CCDC30: variants seen among roughly 807,000 people sequenced by gnomAD.
The protein encoded by CCDC30 is coiled-coil domain-containing protein 30.
A neutral mutation model predicts 100.2 loss-of-function variants in CCDC30; 70 were observed. The ratio of observed to expected loss-of-function variants is 0.70; its 90% confidence interval spans 0.58 to 0.85. CCDC30 has a LOEUF of 0.85. Ranked by LOEUF, CCDC30 falls within the 40% of genes least tolerant of loss-of-function variation. CCDC30 has a pLI of 0.00. For missense variants in CCDC30, 652 were observed against 771.2 expected (o/e 0.85, Z 1.83); for synonymous variants, 233 against 269.5 (o/e 0.86, Z 1.33).
At chr1:42,479,103 C>T (rs866894711) in intron 1 of CCDC30, among the ~76,000 whole-genome samples, 4 of 152,088 alleles carry the variant, frequency 2.6e-5, no homozygotes, top group Non-Finnish European at 4.4e-5. Context: ...GGGCTGGACG[C>T]GATGTTTCGC....
chr1:42,641,238 T>C (rs1647365418), intron 12 of CCDC30, among the ~76,000 whole-genome samples: 1 of 151,104 alleles, frequency 6.6e-6, no homozygotes, highest in Non-Finnish European at 1.5e-5. Context: ...TGTGTGTGTG[T>C]GTGTGTGTGT....
At chr1:42,457,048 T>C in the CCDC30 span, 1 of 1,599,606 alleles carries the variant, frequency 6.3e-7, no homozygotes, top group South Asian at 1.1e-5. Context: ...TGTTGCAGGC[T>C]GCGGCCCAGG....
chr1:42,642,708 C>A, intron 13 of CCDC30, 99 bp downstream of exon 17: 5 of 1,174,498 alleles, frequency 4.3e-6, no homozygotes, highest in South Asian at 3.0e-5. Context: ...AGTTTGTAGC[C>A]TACCCTATGA....
intron 10 of CCDC30, among the ~76,000 whole-genome samples, chr1:42,597,617 G>A (rs1646314886): frequency 6.8e-6 from 1 of 146,716 alleles, no homozygotes; most frequent in Non-Finnish European, 1.5e-5. Flanking sequence ...GCAACATGGT[G>A]AAACCCCATC....
chr1:42,610,989 C>T (rs971755478), exon 11 of CCDC30: 4 of 1,599,572 alleles, frequency 2.5e-6, no homozygotes, highest in Non-Finnish European at 3.4e-6. Context: ...ATGTCAAAAG[C>T]AACCAGGAAT....
chr1:42,473,925 A>G (rs1643844601), intron 1 of CCDC30, among the ~76,000 whole-genome samples: 2 of 152,030 alleles, frequency 1.3e-5, no homozygotes, highest in African/African-American at 4.8e-5. Context: ...TGGACCTCAT[A>G]TCCTAGGACC....
At chr1:42,606,662 A>G (rs894008416) in intron 10 of CCDC30, among the ~76,000 whole-genome samples, 2 of 152,248 alleles carry the variant, frequency 1.3e-5, no homozygotes, top group African/African-American at 2.4e-5. Flanking sequence ...GTGGGTCTCA[A>G]GTATTTTTCA....
Position 42,542,591 on chromosome 1 carries a change from C to T in CCDC30, c.457-23705C>T, listed in dbSNP as rs1200301917. On this transcript the variant is annotated intron_variant, in intron 6 of 16. Coordinates refer to ENST00000668663, the Ensembl canonical transcript of CCDC30. ...CGGAGTCTCGCTCTGTCGCCCAGGC[C>T]GGACTGCGGACTGCAGTGGCGCAAT... Among the ~76,000 whole-genome samples the T allele has an allele frequency of 7.5e-5, 8 of 106,898 alleles. 1 individual carries two copies. The highest frequency in any genetic ancestry group is 1.7e-4 in the Non-Finnish European group (8 of 46,776). The allele number at this position is 106,898 out of a possible 152,430, so 70.1% of individuals were successfully genotyped here.
At chr1:42,649,812 CA>C (rs1279378780) in intron 15 of CCDC30, among the ~76,000 whole-genome samples, 1 of 151,562 alleles carries the variant, frequency 6.6e-6, no homozygotes, top group Non-Finnish European at 1.5e-5. Context: ...ACACATTATC[CA>C]AAAAAGAAAT....
chr1:42,580,152 T>G (rs138041854), intron 8 of CCDC30, among the ~76,000 whole-genome samples: 2 of 152,352 alleles, frequency 1.3e-5, no homozygotes, highest in African/African-American at 4.8e-5. Context: ...AATGAGGTGA[T>G]GCTTTTGTCT....
chr1:42,653,906 T>A (rs1648558256), exon 17 of CCDC30: 1 of 1,613,896 alleles, frequency 6.2e-7, no homozygotes, highest in African/African-American at 1.3e-5. Context: ...AAGTTCAAAG[T>A]CCCCTGAAAA....
intron 10 of CCDC30, among the ~76,000 whole-genome samples, chr1:42,600,283 G>T (rs545664774): frequency 6.6e-6 from 1 of 152,290 alleles, no homozygotes; most frequent in Non-Finnish European, 1.5e-5. Context: ...AAAAAAGAAT[G>T]TCAAAATATG....
Position 42,536,664 on chromosome 1 carries a change from T to C in CCDC30, c.457-29632T>C, listed in dbSNP as rs1281950692. On this transcript the variant is annotated intron_variant, in intron 6 of 16. Transcript: ENST00000668663. ...GTTCTAATTTAGGGATTTCATGTTA[T>C]CATTTTTAAATAAAGTATAACTATG... 3.3e-6 allele frequency: 4 copies of C among 1,226,442 alleles called. No homozygotes were observed. The African/African-American group carries it at 6.0e-5, about 19-fold the overall frequency. The allele number at this position is 1,226,442 out of a possible 1,614,324, so 76.0% of individuals were successfully genotyped here. A position where few individuals can be genotyped will look rare whatever the true frequency, so the allele number is the denominator to read the frequency against.
At chr1:42,467,622 C>A (rs1643631325) in intron 1 of CCDC30, 1 of 152,234 alleles carries the variant, frequency 6.6e-6, no homozygotes, top group African/African-American at 2.4e-5. Context: ...TGGTCTTAAA[C>A]AGTAGACTCA....
chr1:42,525,387 T>A (rs1644708730), intron 6 of CCDC30, among the ~76,000 whole-genome samples: 2 of 152,208 alleles, frequency 1.3e-5, no homozygotes, highest in African/African-American at 4.8e-5. Context: ...TCACTCATTT[T>A]TTTTCTGTAG....
At chr1:42,506,359 T>C (rs1644395211) in intron 6 of CCDC30, among the ~76,000 whole-genome samples, 1 of 152,202 alleles carries the variant, frequency 6.6e-6, no homozygotes, top group East Asian at 1.9e-4. Context: ...GTCCTATAGC[T>C]TGATTATAAA....
chr1:42,460,483 T>C (rs1200243975), upstream of CCDC30: 3 of 629,036 alleles, frequency 4.8e-6, no homozygotes, highest in South Asian at 7.1e-5. Flanking sequence ...TGAAGATAGA[T>C]TGTAGAATGG....
chr1:42,482,660 C>A lies in CCDC30; in HGVS notation c.16-3C>A. 1.6e-6 allele frequency: 2 copies of A among 1,232,034 alleles called. No homozygotes were observed. The highest frequency in any genetic ancestry group is 2.0e-6 in the Non-Finnish European group (2 of 986,256). The allele number at this position is 1,232,034 out of a possible 1,614,324, so 76.3% of individuals were successfully genotyped here. On this transcript the variant is annotated splice_polypyrimidine_tract_variant and splice_region_variant and intron_variant, in intron 2 of 16. Transcript: ENST00000668663. ...TTTATTACTAATAGAAGTTTTATTT[C>A]AGTATCATAATGAAGACCTGGAAAA...
intron 3 of CCDC30, among the ~76,000 whole-genome samples, chr1:42,485,029 T>G (rs1427438122): frequency 6.6e-6 from 1 of 152,160 alleles, no homozygotes; most frequent in Non-Finnish European, 1.5e-5. Context: ...AAAGAATTAT[T>G]GTTAAATTTT....
Sources: allele counts gnomAD v4.1 joint callset (sites outside exome capture counted in the v4.1 genomes callset), GRCh38; gene constraint gnomAD v4.1.1; transcripts MANE v1.5; gene names NCBI Gene and HGNC (gene_info 2026-07-23, HGNC 2026-07-21).